Variants in FOXO3 observed in about 807,000 individuals in gnomAD.
FOXO3 encodes the protein forkhead box O3.
Under a neutral mutation model 41.9 loss-of-function variants are expected in FOXO3, and 4 were observed. That is an observed-to-expected ratio of 0.10 (90% CI 0.05 to 0.22). The LOEUF (loss-of-function observed/expected upper bound fraction) is 0.22, where lower values mean the gene tolerates loss of function less well. Among genes scored for constraint, FOXO3 ranks in the 10% least tolerant of loss-of-function variants. The pLI is 1.00. For missense variants in FOXO3, 534 were observed against 906.8 expected, an observed-to-expected ratio of 0.59 and a Z score of 5.28; for synonymous variants, 318 against 389.3, an observed-to-expected ratio of 0.82 and a Z score of 2.16.
chr6:108,571,745 G>C (rs1014492024), intron 1 of FOXO3, among the ~76,000 whole-genome samples: 1 of 152,144 alleles, frequency 6.6e-6, no homozygotes, highest in Non-Finnish European at 1.5e-5. Context: ...TAGCCTCCAG[G>C]ACTGAGAAAG....
rs1776538716 is a variant in FOXO3, at chr6:108,585,074, G to T, written c.621+23245G>T. Among the ~76,000 whole-genome samples, 6 of 109,344 alleles carry T rather than the reference G, an allele frequency of 5.5e-5. No individual in the cohort carries two copies. The South Asian group carries it at 1.8e-3, about 34-fold the overall frequency. The allele number at this position is 109,344 out of a possible 152,430, so 71.7% of individuals were successfully genotyped here. On this transcript the variant is annotated intron_variant, in intron 1 of 2. Coordinates refer to ENST00000406360, the MANE Select transcript of FOXO3 (RefSeq NM_001455.4). ...TTTTGAGACAGAGTCTCGCTCTGTTGCCCAGGCCGGACTGCGGACTGCAAT... is the reference window on the plus strand; with the variant it reads ...TTTTGAGACAGAGTCTCGCTCTGTTTCCCAGGCCGGACTGCGGACTGCAAT...
At chr6:108,642,858 TGTCCAGTTAGTGGTTCCATAAA>T in intron 1 of FOXO3, among the ~76,000 whole-genome samples, 1 of 152,338 alleles carries the variant, frequency 6.6e-6, no homozygotes, top group African/African-American at 2.4e-5. Context: ...GTCTGATCCC[TGTCCAGTTAGTGGTTCCATAAA>T]GTCCAGTTAG....
chr6:108,662,156 C>G (rs1225352823), intron 1 of FOXO3, among the ~76,000 whole-genome samples: 1 of 152,104 alleles, frequency 6.6e-6, no homozygotes, highest in Non-Finnish European at 1.5e-5. Flanking sequence ...TTGAGAAGTA[C>G]TGACTAGGCA....
chr6:108,583,342 C>T (rs575909950), intron 1 of FOXO3, among the ~76,000 whole-genome samples: 18 of 152,250 alleles, frequency 1.2e-4, no homozygotes, highest in African/African-American at 4.3e-4. Flanking sequence ...AAGGATTGCC[C>T]GGTGGTAGCC....
intron 1 of FOXO3, among the ~76,000 whole-genome samples, chr6:108,643,278 T>C (rs1388692384): frequency 6.6e-6 from 1 of 152,238 alleles, no homozygotes; most frequent in Non-Finnish European, 1.5e-5. Flanking sequence ...CATGCCCAGT[T>C]TGACCTTTTC....
At position 108,664,742 on chromosome 6, in the gene FOXO3, G is replaced by T; in HGVS notation, c.1909G>T (p.Gly637Trp). The change falls in exon 2 of 3, where the codon GGG (glycine) becomes TGG (tryptophan). Residue 637 changes from glycine to tryptophan, a missense_variant. Gly to Trp is a radical substitution (Grantham distance 184). This residue lies in a region of FOXO3 where 94 missense variants were observed against 214.4 expected (regional missense o/e 0.44). Coordinates refer to ENST00000406360, the MANE Select transcript of FOXO3 (RefSeq NM_001455.4). ...IIRSELMDAD[G>W]LDFNFDSLIS... ...CCGTAGTGAACTCATGGATGCTGAT[G>T]GGTTGGATTTTAACTTTGATTCCCT... The T allele has an allele frequency of 2.2e-6, 3 of 1,363,862 alleles. No homozygotes were observed. The highest frequency in any genetic ancestry group is 3.1e-6 in the Non-Finnish European group (3 of 965,136). 84.5% of individuals were successfully genotyped at this position (1,363,862 alleles called of 1,614,324 possible).
chr6:108,663,844 G>C lies in FOXO3; in HGVS notation c.1011G>C (p.Gln337His), dbSNP rs1432048856. 1 of 1,613,806 alleles carries C rather than the reference G, an allele frequency of 6.2e-7. No individual in the cohort carries two copies. The highest frequency in any genetic ancestry group is 1.3e-5 in the African/African-American group (1 of 74,926). ...CAAGCACAGAGTTGGATGAAGTCCA[G>C]GACGATGATGCGCCTCTCTCGCCCA... ...IMASTELDEV[Q>H]DDDAPLSPML... is the part of the protein sequence containing the mutation. The change falls in exon 2 of 3, where the codon CAG becomes CAC. Residue 337 changes from glutamine to histidine, a missense_variant. Transcript: ENST00000406360.
chr6:108,675,395 C>T (rs1770546388), intron 2 of FOXO3, among the ~76,000 whole-genome samples: 1 of 152,166 alleles, frequency 6.6e-6, no homozygotes, highest in Non-Finnish European at 1.5e-5. Context: ...AGGACCTTGT[C>T]ACCAGCCTTC....
At chr6:108,609,550 A>G (rs1475684675) in intron 1 of FOXO3, among the ~76,000 whole-genome samples, 1 of 152,190 alleles carries the variant, frequency 6.6e-6, no homozygotes, top group African/African-American at 2.4e-5. Flanking sequence ...AAAAGACACT[A>G]TTGAGGTTGC....
chr6:108,560,896 ATCGCGGCCT>A, upstream of FOXO3: 1 of 1,127,866 alleles, frequency 8.9e-7, no homozygotes, highest in East Asian at 3.3e-5. Context: ...TCGCGGCTCC[ATCGCGGCCT>A]GGCCGGGGGG....
At chr6:108,651,025 G>A (rs192020910) in intron 1 of FOXO3, among the ~76,000 whole-genome samples, 122 of 152,292 alleles carry the variant, frequency 8.0e-4, no homozygotes, top group African/African-American at 2.7e-3. Flanking sequence ...TACTGAATAT[G>A]CAGATGAGGT....
intron 1 of FOXO3, among the ~76,000 whole-genome samples, chr6:108,630,696 C>G (rs1183165833): frequency 1.3e-5 from 2 of 152,126 alleles, no homozygotes; most frequent in Non-Finnish European, 2.9e-5. Context: ...GTTGTCTCAA[C>G]TCGTGCATAA....
In FOXO3 at chr6:108,635,270, G is replaced by A. The variant is rs549944104; in HGVS notation, c.622-28185G>A. On this transcript the variant is annotated intron_variant, in intron 1 of 2. Transcript: ENST00000406360. The stretch of plus-strand genomic sequence containing the variant: ...AGATCACACCACTGTACTGTGGCCT[G>A]GGCAACAGAGCAAGACTCCATCTCA... Among the ~76,000 whole-genome samples, 123 of 152,050 alleles carry A rather than the reference G, an allele frequency of 8.1e-4. No individual in the cohort carries two copies. The Middle Eastern group carries it at 0.01, about 13-fold the overall frequency.
At chr6:108,609,881 G>GT (rs1404275638) in intron 1 of FOXO3, among the ~76,000 whole-genome samples, 2 of 152,144 alleles carry the variant, frequency 1.3e-5, no homozygotes, top group Non-Finnish European at 2.9e-5. Flanking sequence ...CTAGACTAGA[G>GT]TTTTTTCATT....
chr6:108,603,844 T>C (rs530810256), intron 1 of FOXO3, among the ~76,000 whole-genome samples: 1 of 152,304 alleles, frequency 6.6e-6, no homozygotes, highest in South Asian at 2.1e-4. Context: ...CTCAAGAGTT[T>C]AGTTCTATTT....
Position 108,683,252 on chromosome 6 carries a change from C to CA in FOXO3, c.*3461dup, listed in dbSNP as rs1770934913. ...TTGCTTCCCCACCCTGAGGAGAGGA[C>CA]ACCATGGCTTACTACTCAGGACAAG... On this transcript the variant is annotated 3_prime_UTR_variant, in exon 3 of 3. Coordinates refer to ENST00000406360, the MANE Select transcript of FOXO3 (RefSeq NM_001455.4). 1 of 152,196 alleles carries CA rather than the reference C, an allele frequency of 6.6e-6. No homozygotes were observed. Among genetic ancestry groups the CA allele is most frequent in the African/African-American group, 2.4e-5 (1 of 41,402 alleles). The allele number at this position is 152,196 out of a possible 1,614,324, so 9.4% of individuals were successfully genotyped here.
chr6:108,632,363 C>T (rs1015202247), intron 1 of FOXO3, among the ~76,000 whole-genome samples: 1 of 152,028 alleles, frequency 6.6e-6, no homozygotes, highest in Non-Finnish European at 1.5e-5. Flanking sequence ...AGACTGCCCA[C>T]GAAGCCTGTG....
chr6:108,564,610 C>A (rs969313650), intron 1 of FOXO3, among the ~76,000 whole-genome samples: 1 of 152,130 alleles, frequency 6.6e-6, no homozygotes. Context: ...AAAATTATCA[C>A]CCTAACATCA....
At chr6:108,645,917 A>C (rs1242949121) in intron 1 of FOXO3, among the ~76,000 whole-genome samples, 2 of 152,228 alleles carry the variant, frequency 1.3e-5, no homozygotes. Flanking sequence ...CATGTCAGTA[A>C]AATTAATTCC....
Sources: gnomAD v4.1 joint callset for allele counts (sites outside exome capture counted in the v4.1 genomes callset) on GRCh38, gnomAD v4.1.1 for gene constraint, gnomAD v4.1.1 regional missense constraint, MANE v1.5 for transcripts, NCBI Gene and HGNC (gene_info 2026-07-23, HGNC 2026-07-21) for gene names.